Variants in GULP1 observed in about 807,000 individuals in gnomAD.
GULP1 encodes GULP PTB domain containing engulfment adaptor 1.
In GULP1, 19 loss-of-function variants were observed where a neutral mutation model predicts 40.9. That is an observed-to-expected ratio of 0.46 (90% CI 0.32 to 0.68). The LOEUF (loss-of-function observed/expected upper bound fraction) is 0.68. Among genes scored for constraint, GULP1 ranks in the 30% least tolerant of loss-of-function variants. GULP1 has a pLI of 0.03. For missense variants in GULP1, 312 were observed against 362.2 expected (o/e 0.86, Z 1.12); for synonymous variants, 119 against 117.6 (o/e 1.01, Z -0.08).
chr2:188,560,237 C>T lies in GULP1; in HGVS notation c.400-9002C>T, dbSNP rs139917872. Among the ~76,000 whole-genome samples, 707 of 152,262 alleles carry T rather than the reference C, an allele frequency of 4.6e-3. 5 individuals carry two copies. The highest frequency in any genetic ancestry group is 0.016 in the African/African-American group (663 of 41,540). On this transcript the variant is annotated intron_variant, in intron 7 of 11. Transcript: ENST00000409830. ...TGAATGCTTTGTTGCTTAGAAATTT[C>T]TTCCTCCAGATACCCTAAATCATCA...
At chr2:188,295,135 CT>C (rs2034637560) in intron 1 of GULP1, among the ~76,000 whole-genome samples, 1 of 152,100 alleles carries the variant, frequency 6.6e-6, no homozygotes. Context: ...TAAAGTCCAG[CT>C]TAATTTTACC....
rs1194726367 is a variant in GULP1 at position 188,567,292 on chromosome 2, A to G, written c.400-1947A>G. Among the ~76,000 whole-genome samples the G allele has an allele frequency of 2.0e-5, 3 of 152,358 alleles. No individual in the cohort carries two copies. In the East Asian group the frequency reaches 5.8e-4, roughly 29 times the overall value. On this transcript the variant is annotated intron_variant, in intron 7 of 11. Coordinates refer to ENST00000409830, the MANE Select transcript of GULP1 (RefSeq NM_016315.4). ...GATCTCATTACTGGGTATATACCCA[A>G]AGGAATACAAATCATGCTACTATAA...
intron 2 of GULP1, among the ~76,000 whole-genome samples, chr2:188,473,966 G>GC (rs2060804004): frequency 6.6e-6 from 1 of 152,166 alleles, no homozygotes; most frequent in African/African-American, 2.4e-5. Context: ...GTTATTCAAT[G>GC]CCCAAGGGCT....
At chr2:188,454,888 C>T (rs185426002) in intron 2 of GULP1, among the ~76,000 whole-genome samples, 134 of 152,138 alleles carry the variant, frequency 8.8e-4, no homozygotes, top group Non-Finnish European at 1.2e-3. Context: ...CTTTGGGAGG[C>T]GGACATGGGA....
chr2:188,401,359 G>A (rs1367388908), intron 2 of GULP1, among the ~76,000 whole-genome samples: 1 of 152,032 alleles, frequency 6.6e-6, no homozygotes, highest in Admixed American at 6.6e-5. Flanking sequence ...CACTATAAGT[G>A]AATGCACTTA....
chr2:188,346,287 A>G (rs1240787216), intron 1 of GULP1, among the ~76,000 whole-genome samples: 1 of 152,178 alleles, frequency 6.6e-6, no homozygotes, highest in African/African-American at 2.4e-5. Flanking sequence ...AGAACTCTCC[A>G]AGGCATAGCA....
At chr2:188,565,800 A>G (rs1697514217) in intron 7 of GULP1, among the ~76,000 whole-genome samples, 1 of 152,142 alleles carries the variant, frequency 6.6e-6, no homozygotes, top group African/African-American at 2.4e-5. Flanking sequence ...AGTACAATGG[A>G]TAAATCACTT....
chr2:188,307,547 A>G (rs2037312569), intron 1 of GULP1, among the ~76,000 whole-genome samples: 1 of 151,482 alleles, frequency 6.6e-6, no homozygotes, highest in African/African-American at 2.4e-5. Context: ...TGAGAAAGCT[A>G]CTAAGTTTTT....
Position 188,292,970 on chromosome 2 carries a change from C to G in GULP1, c.-172+804C>G, listed in dbSNP as rs2034112577. The G allele has an allele frequency of 6.6e-6, 1 of 152,388 alleles. No individual in the cohort carries two copies. The highest frequency in any genetic ancestry group is 2.1e-4 in the South Asian group (1 of 4,836). The allele number at this position is 152,388 out of a possible 1,614,324, so 9.4% of individuals were successfully genotyped here. On this transcript the variant is annotated intron_variant, in intron 1 of 11. Coordinates refer to ENST00000409830, the MANE Select transcript of GULP1 (RefSeq NM_016315.4). The surrounding 1 kb of genome is among the most constrained non-coding windows in gnomAD (Gnocchi z 4.0). ...TCCGGAGCAGGCAGTTCTCTCTATT[C>G]TGAGGCTCCTGCGGCTGCCGCGCTG...
intron 1 of GULP1, among the ~76,000 whole-genome samples, chr2:188,373,390 T>C (rs1463543412): frequency 6.6e-6 from 1 of 152,000 alleles, no homozygotes; most frequent in African/African-American, 2.4e-5. Flanking sequence ...ATTTTGGTTC[T>C]TTATGATATT....
At chr2:188,572,774 C>T (rs138282970) in intron 9 of GULP1, among the ~76,000 whole-genome samples, 150 of 152,192 alleles carry the variant, frequency 9.9e-4, no homozygotes, top group Middle Eastern at 3.4e-3. Context: ...ACAAATATCA[C>T]GTGATGTCAC....
Position 188,499,474 on chromosome 2 carries a change from G to A in GULP1, c.90+15982G>A, listed in dbSNP as rs1267671460. Among the ~76,000 whole-genome samples, 3 of 151,502 alleles carry A rather than the reference G, an allele frequency of 2.0e-5. No individual in the cohort carries two copies. The East Asian group carries it at 5.8e-4, about 30-fold the overall frequency. On this transcript the variant is annotated intron_variant, in intron 4 of 11. Transcript: ENST00000409830. ...CTACAGAAATTACATATGTCATTTA[G>A]AGTAGTGGCCTCTATACCTTTGCAA...
chr2:188,346,571 C>A (rs1392480934), intron 1 of GULP1, among the ~76,000 whole-genome samples: 3 of 151,506 alleles, frequency 2.0e-5, no homozygotes, highest in Admixed American at 6.6e-5. Context: ...CGGGTCACTA[C>A]AAGCTCCGCC....
At chr2:188,438,671 C>CA (rs57576533) in intron 2 of GULP1, among the ~76,000 whole-genome samples, 12 of 150,378 alleles carry the variant, frequency 8.0e-5, no homozygotes, top group African/African-American at 2.9e-4. Context: ...ATATATATCA[C>CA]AAAAAAAATG....
chr2:188,422,947 T>C lies in GULP1; in HGVS notation c.-45+39058T>C, dbSNP rs138827556. On this transcript the variant is annotated intron_variant, in intron 2 of 11. Coordinates refer to ENST00000409830, the MANE Select transcript of GULP1 (RefSeq NM_016315.4). ...TTTCGGTTTCCAGATGCCTGTACTC[T>C]TCAAACATCTCTTTGACCTGTAGAC... Among the ~76,000 whole-genome samples, 350 of 152,234 alleles carry C rather than the reference T, an allele frequency of 2.3e-3. 1 individual carries two copies. The highest frequency in any genetic ancestry group is 7.9e-3 in the African/African-American group (330 of 41,568).
At chr2:188,567,385 T>C (rs1237728897) in intron 7 of GULP1, among the ~76,000 whole-genome samples, 3 of 152,150 alleles carry the variant, frequency 2.0e-5, no homozygotes, top group Non-Finnish European at 2.9e-5. Flanking sequence ...CCAACCCAAA[T>C]GCCCATCAAT....
intron 6 of GULP1, among the ~76,000 whole-genome samples, chr2:188,538,479 A>G (rs1445283751): frequency 6.6e-6 from 1 of 152,148 alleles, no homozygotes; most frequent in Non-Finnish European, 1.5e-5. Context: ...ACATTCAATT[A>G]TATTGCATAT....
chr2:188,417,207 A>G (rs1482707061), intron 2 of GULP1, among the ~76,000 whole-genome samples: 1 of 152,174 alleles, frequency 6.6e-6, no homozygotes, highest in Non-Finnish European at 1.5e-5. Context: ...ATTCTCTCTT[A>G]GGACATGATG....
chr2:188,464,810 A>G (rs1245343038), intron 2 of GULP1, among the ~76,000 whole-genome samples: 1 of 152,176 alleles, frequency 6.6e-6, no homozygotes, highest in Non-Finnish European at 1.5e-5. Context: ...TATGGGGAGT[A>G]CTGCCAGGCT....
Sources: allele counts gnomAD v4.1 joint callset (sites outside exome capture counted in the v4.1 genomes callset), GRCh38; gene constraint gnomAD v4.1.1; non-coding constraint Gnocchi (gnomAD v3.1); transcripts MANE v1.5; gene names NCBI Gene and HGNC (gene_info 2026-07-23, HGNC 2026-07-21).